Variants in IL1RAPL2 observed in about 807,000 individuals in gnomAD.
IL1RAPL2 encodes interleukin 1 receptor accessory protein like 2, also known as X-linked interleukin-1 receptor accessory protein-like 2.
Under a neutral mutation model 44.1 loss-of-function variants are expected in IL1RAPL2, and 3 were observed. The ratio of observed to expected loss-of-function variants is 0.07; its 90% CI spans 0.03 to 0.18. The LOEUF is 0.18. Among genes scored for constraint, IL1RAPL2 ranks in the 10% least tolerant of loss-of-function variants. The probability of loss-of-function intolerance (pLI) is 1.00; values close to 1 mark genes in which losing one functional copy is unlikely to be tolerated. For missense variants in IL1RAPL2, 391 were observed against 496.4 expected (o/e 0.79, Z 2.02); for synonymous variants, 181 against 178.8 (o/e 1.01, Z -0.10).
At chrX:105,564,095 A>G (rs2036958246) in intron 6 of IL1RAPL2, among the ~76,000 whole-genome samples, 1 of 111,591 alleles carries the variant, frequency 9.0e-6, no homozygotes, top group Non-Finnish European at 1.9e-5. Context: ...TTCTCACTTC[A>G]TCCTCACAGG....
Position 105,558,153 on chromosome X carries a change from C to A in IL1RAPL2, c.772+73766C>A, listed in dbSNP as rs184325311. ...GGGGTCAAACTGGCTAGATTCAAGGCACAGTTCTTTCTATCACTTGTTGGT... is the reference window on the plus strand; with the variant it reads ...GGGGTCAAACTGGCTAGATTCAAGGAACAGTTCTTTCTATCACTTGTTGGT... On this transcript the variant is annotated intron_variant, in intron 6 of 10. Coordinates refer to ENST00000372582, the MANE Select transcript of IL1RAPL2 (RefSeq NM_017416.2). 1.3e-3 allele frequency among the ~76,000 whole-genome samples: 140 copies of A among 111,436 alleles called. 3 individuals are homozygous for A. Among genetic ancestry groups the A allele is most frequent in the Non-Finnish European group, 4.2e-4 (22 of 52,964 alleles).
At chrX:104,674,388 T>C (rs1440370821) in intron 2 of IL1RAPL2, among the ~76,000 whole-genome samples, 5 of 112,125 alleles carry the variant, frequency 4.5e-5, no homozygotes, top group Non-Finnish European at 7.5e-5. Context: ...TCTGTTTATA[T>C]GCTAGATTAT....
intron 2 of IL1RAPL2, among the ~76,000 whole-genome samples, chrX:104,857,830 A>G (rs1922402294): frequency 9.0e-6 from 1 of 110,927 alleles, no homozygotes; most frequent in Non-Finnish European, 1.9e-5. Context: ...CTTTCCCTCC[A>G]ACCTGTTTTT....
intron 2 of IL1RAPL2, among the ~76,000 whole-genome samples, chrX:104,927,844 G>A (rs1924809156): frequency 9.0e-6 from 1 of 111,634 alleles, no homozygotes; most frequent in African/African-American, 3.2e-5. Flanking sequence ...CATGACAAAT[G>A]GCATTGTTAC....
At chrX:104,822,885 A>G (rs1921343327) in intron 2 of IL1RAPL2, among the ~76,000 whole-genome samples, 1 of 111,462 alleles carries the variant, frequency 9.0e-6, no homozygotes, top group South Asian at 3.8e-4. Context: ...TTTCCTATCC[A>G]TGAGCATGGA....
intron 1 of IL1RAPL2, among the ~76,000 whole-genome samples, chrX:104,572,967 C>T (rs982612641): frequency 4.5e-5 from 5 of 111,809 alleles, no homozygotes; most frequent in Non-Finnish European, 9.4e-5. Flanking sequence ...TTACCTTGTT[C>T]TGCAAACATT....
At position 105,432,485 on chromosome X, in the gene IL1RAPL2, G is replaced by C. The variant is rs979599145; in HGVS notation, c.698-51828G>C. On this transcript the variant is annotated intron_variant, in intron 5 of 10. Coordinates refer to ENST00000372582, the MANE Select transcript of IL1RAPL2 (RefSeq NM_017416.2). Reference sequence around the variant, plus strand: ...ACTCATAAAGTCTTCCCTGTGGTTGGCTGTGGAAATACAGATAGGAAAAAT... The same window carrying C: ...ACTCATAAAGTCTTCCCTGTGGTTGCCTGTGGAAATACAGATAGGAAAAAT... Among the ~76,000 whole-genome samples, 3 of 110,529 alleles carry C rather than the reference G, an allele frequency of 2.7e-5. No individual in the cohort carries two copies. The Admixed American group carries it at 2.9e-4, about 11-fold the overall frequency.
At chrX:104,768,018 T>C (rs1483350342) in intron 2 of IL1RAPL2, among the ~76,000 whole-genome samples, 2 of 112,146 alleles carry the variant, frequency 1.8e-5, no homozygotes, top group African/African-American at 6.5e-5. Flanking sequence ...GTATTTTACA[T>C]GTCAATTAAA....
chrX:105,463,597 C>CAT (rs2036108761), intron 5 of IL1RAPL2, among the ~76,000 whole-genome samples: 1 of 110,108 alleles, frequency 9.1e-6, no homozygotes, highest in African/African-American at 3.3e-5. Context: ...CACACACACA[C>CAT]ACACATGCAC....
intron 2 of IL1RAPL2, among the ~76,000 whole-genome samples, chrX:104,686,854 C>T (rs182438967): frequency 2.8e-3 from 315 of 112,016 alleles, no homozygotes; most frequent in Admixed American, 5.9e-3. Context: ...CACATCTGTT[C>T]CTAGATGTTA....
chrX:104,831,885 G>A lies in IL1RAPL2; in HGVS notation c.82+172890G>A, dbSNP rs1049217754. On this transcript the variant is annotated intron_variant, in intron 2 of 10. Coordinates refer to ENST00000372582, the MANE Select transcript of IL1RAPL2 (RefSeq NM_017416.2). ...TTACTTTTATCTCTCCACATTTTCC[G>A]ATCTCTTCTTACTATTCTGCTTACA... is the stretch of plus-strand genomic sequence containing the variant. Among the ~76,000 whole-genome samples the A allele has an allele frequency of 3.6e-5, 4 of 111,664 alleles. No individual in the cohort carries two copies. The East Asian group carries it at 8.4e-4, about 23-fold the overall frequency.
chrX:105,384,188 C>T (rs1371754319), intron 5 of IL1RAPL2, among the ~76,000 whole-genome samples: 1 of 111,624 alleles, frequency 9.0e-6, no homozygotes, highest in East Asian at 2.8e-4. Context: ...CTTTCCCAGA[C>T]CAATGTCCTG....
At chrX:104,695,404 G>T (rs1931162318) in intron 2 of IL1RAPL2, among the ~76,000 whole-genome samples, 1 of 111,220 alleles carries the variant, frequency 9.0e-6, no homozygotes, top group Non-Finnish European at 1.9e-5. Context: ...TCCTATGAGT[G>T]ACATTAGTAG....
intron 1 of IL1RAPL2, among the ~76,000 whole-genome samples, chrX:104,636,227 G>T (rs1929801587): frequency 9.0e-6 from 1 of 111,526 alleles, no homozygotes; most frequent in South Asian, 3.8e-4. Context: ...GGAGTACCCG[G>T]GCATGTGAGG....
chrX:105,093,895 A>G (rs2032574090), intron 2 of IL1RAPL2, among the ~76,000 whole-genome samples: 1 of 111,521 alleles, frequency 9.0e-6, no homozygotes, highest in South Asian at 3.8e-4. Context: ...ATACTAAAAC[A>G]CATCTCCTAG....
rs142242738 is a variant in IL1RAPL2, at chrX:104,990,131, C to G, written c.83-205344C>G. On this transcript the variant is annotated intron_variant, in intron 2 of 10. Coordinates refer to ENST00000372582, the MANE Select transcript of IL1RAPL2 (RefSeq NM_017416.2). Reference sequence around the variant, plus strand: ...TAATAAGCCCTATTAAATCCTACCTCTTACATCACCAAAATCTATGTTATT... The same window carrying G: ...TAATAAGCCCTATTAAATCCTACCTGTTACATCACCAAAATCTATGTTATT... Among the ~76,000 whole-genome samples, 4 of 112,175 alleles carry G rather than the reference C, an allele frequency of 3.6e-5. No individual in the cohort carries two copies. The East Asian group carries it at 1.1e-3, about 32-fold the overall frequency.
At chrX:104,745,263 T>C in intron 2 of IL1RAPL2, among the ~76,000 whole-genome samples, 1 of 109,824 alleles carries the variant, frequency 9.1e-6, no homozygotes, top group African/African-American at 3.3e-5. Context: ...CTCTCCCCTT[T>C]AATAGGGTAG....
At chrX:104,695,153 G>T (rs1302570109) in intron 2 of IL1RAPL2, among the ~76,000 whole-genome samples, 3 of 112,392 alleles carry the variant, frequency 2.7e-5, no homozygotes, top group Admixed American at 9.4e-5. Flanking sequence ...CCTTTGCCAT[G>T]GCAGGGACCT....
intron 2 of IL1RAPL2, among the ~76,000 whole-genome samples, chrX:104,874,916 GA>G (rs1922863982): frequency 9.0e-6 from 1 of 111,613 alleles, no homozygotes; most frequent in Non-Finnish European, 1.9e-5. Context: ...AGTGCTAAAG[GA>G]ATTTAGGAAA....
Sources: allele counts gnomAD v4.1 joint callset (sites outside exome capture counted in the v4.1 genomes callset), GRCh38; gene constraint gnomAD v4.1.1; transcripts MANE v1.5; gene names NCBI Gene and HGNC (gene_info 2026-07-23, HGNC 2026-07-21).